Variants in LGSN observed in about 807,000 individuals in gnomAD.
LGSN encodes the protein lengsin.
A neutral mutation model predicts 19.5 loss-of-function variants in LGSN; 21 were observed. The observed-to-expected ratio is 1.07, with a 90% CI of 0.76 to 1.55. The LOEUF is 1.55. Ranked by LOEUF, LGSN falls within the 40% of genes most tolerant of loss-of-function variation. The pLI is 0.00. For missense variants in LGSN, 673 were observed against 608.5 expected (o/e 1.11, Z -1.12); for synonymous variants, 257 against 215.6 (o/e 1.19, Z -1.68).
the LGSN span, among the ~76,000 whole-genome samples, chr6:63,329,689 G>C: frequency 6.6e-6 from 1 of 152,162 alleles, no homozygotes; most frequent in Admixed American, 6.5e-5. Context: ...CTTCAGGGTT[G>C]ATTTCCTCCT....
At chr6:63,558,052 A>G in the LGSN span, among the ~76,000 whole-genome samples, 1 of 151,922 alleles carries the variant, frequency 6.6e-6, no homozygotes. Context: ...TTGTATTTTT[A>G]GTAGAGACGG....
At chr6:63,310,708 A>G (rs1437515475) in intron 1 of LGSN, among the ~76,000 whole-genome samples, 1 of 152,202 alleles carries the variant, frequency 6.6e-6, no homozygotes. Context: ...ATTATTAACT[A>G]AAGAAAAATG....
In LGSN at chr6:63,280,106, C is replaced by T. The variant is rs748439660; in HGVS notation, c.1445G>A (p.Arg482Gln). 4.3e-6 allele frequency: 7 copies of T among 1,613,780 alleles called. No individual in the cohort carries two copies. The highest frequency in any genetic ancestry group is 1.7e-5 in the Admixed American group (1 of 59,986). The change falls in exon 4 of 4, where the codon CGA (arginine) becomes CAA (glutamine). Residue 482 changes from arginine (R) to glutamine (Q), a missense_variant. Physicochemically the swap from Arg to Gln is conservative, Grantham distance 43. Transcript: ENST00000370657. ...LRQALGETFI[R>Q]YFVAMKKYEL... is the part of the protein sequence containing the mutation. Reference sequence around the variant, plus strand: ...ATATTTCTTCATGGCAACAAAATATCGAATAAAGGTTTCTCCTAGAGCCTG... The same window carrying T: ...ATATTTCTTCATGGCAACAAAATATTGAATAAAGGTTTCTCCTAGAGCCTG...
chr6:63,543,348 G>A, the LGSN span, among the ~76,000 whole-genome samples: 261 of 152,242 alleles, frequency 1.7e-3, 3 homozygotes, highest in African/African-American at 5.9e-3. Context: ...ATATCATCCT[G>A]CAGGTTTCCT....
intron 3 of LGSN, among the ~76,000 whole-genome samples, chr6:63,281,654 C>T (rs944641617): frequency 4.6e-5 from 7 of 151,890 alleles, no homozygotes; most frequent in South Asian, 4.2e-4. Flanking sequence ...TATTGTAATC[C>T]TGAGTTAACT....
At chr6:63,489,014 T>C in the LGSN span, among the ~76,000 whole-genome samples, 3 of 152,142 alleles carry the variant, frequency 2.0e-5, no homozygotes, top group Non-Finnish European at 4.4e-5. Context: ...CCATAACAAA[T>C]AAATATAGCA....
chr6:63,531,354 T>C, the LGSN span, among the ~76,000 whole-genome samples: 2 of 151,452 alleles, frequency 1.3e-5, no homozygotes, highest in African/African-American at 4.9e-5. Flanking sequence ...TCTCTTTAAC[T>C]AAAACAATAA....
chr6:63,452,054 C>CTTTTTTTTTTTTTT, the LGSN span, among the ~76,000 whole-genome samples: 1 of 131,790 alleles, frequency 7.6e-6, no homozygotes, highest in Non-Finnish European at 1.6e-5. Flanking sequence ...GTTTTCTTGT[C>CTTTTTTTTTTTTTT]TTTTTTTTTT....
the LGSN span, among the ~76,000 whole-genome samples, chr6:63,471,747 G>C: frequency 6.6e-6 from 1 of 151,936 alleles, no homozygotes; most frequent in South Asian, 2.1e-4. Context: ...TTGAATTATG[G>C]CCTCCCAAAA....
chr6:63,428,575 T>A, the LGSN span, among the ~76,000 whole-genome samples: 1 of 152,126 alleles, frequency 6.6e-6, no homozygotes, highest in Non-Finnish European at 1.5e-5. Context: ...GGTCTCGAAC[T>A]CCTGACCTCA....
the LGSN span, among the ~76,000 whole-genome samples, chr6:63,328,832 G>A: frequency 1.3e-5 from 2 of 152,182 alleles, no homozygotes; most frequent in Admixed American, 1.3e-4. Flanking sequence ...TTCCTTGATT[G>A]GAGTATAGAG....
At chr6:63,374,158 T>A in the LGSN span, among the ~76,000 whole-genome samples, 1 of 152,182 alleles carries the variant, frequency 6.6e-6, no homozygotes, top group East Asian at 1.9e-4. Context: ...AAACTTACTC[T>A]CAAATTATTC....
chr6:63,438,778 T>C, the LGSN span, among the ~76,000 whole-genome samples: 1 of 152,232 alleles, frequency 6.6e-6, no homozygotes, highest in Non-Finnish European at 1.5e-5. Flanking sequence ...AGTTCAACCC[T>C]TGTGGAATTC....
At chr6:63,433,544 C>T in the LGSN span, among the ~76,000 whole-genome samples, 1 of 152,186 alleles carries the variant, frequency 6.6e-6, no homozygotes, top group Admixed American at 6.6e-5. Context: ...CTGTGATTCA[C>T]AGTGAACTAG....
the LGSN span, among the ~76,000 whole-genome samples, chr6:63,570,362 C>A: frequency 1.3e-5 from 2 of 152,170 alleles, no homozygotes; most frequent in Non-Finnish European, 2.9e-5. Flanking sequence ...TGCATCGTTT[C>A]TCTCAACAGC....
At chr6:63,348,064 A>G in the LGSN span, among the ~76,000 whole-genome samples, 1 of 152,230 alleles carries the variant, frequency 6.6e-6, no homozygotes, top group Non-Finnish European at 1.5e-5. Flanking sequence ...CTGATTTATA[A>G]CAAAAGAAAG....
chr6:63,501,357 C>A, the LGSN span, among the ~76,000 whole-genome samples: 21 of 116,240 alleles, frequency 1.8e-4, no homozygotes, highest in African/African-American at 8.0e-4. Context: ...AACAAAACTT[C>A]GTCTCAAAAA....
the LGSN span, among the ~76,000 whole-genome samples, chr6:63,542,863 C>T: frequency 6.6e-6 from 1 of 152,170 alleles, no homozygotes; most frequent in African/African-American, 2.4e-5. Flanking sequence ...TTCATCCAAG[C>T]CATGATCATG....
At chr6:63,378,068 A>G in the LGSN span, among the ~76,000 whole-genome samples, 2 of 151,618 alleles carry the variant, frequency 1.3e-5, no homozygotes, top group African/African-American at 4.8e-5. Flanking sequence ...GAGACACTTG[A>G]AGAAGAGATG....
Sources: gnomAD v4.1 joint callset for allele counts (sites outside exome capture counted in the v4.1 genomes callset) on GRCh38, gnomAD v4.1.1 for gene constraint, MANE v1.5 for transcripts, NCBI Gene and HGNC (gene_info 2026-07-23, HGNC 2026-07-21) for gene names.